Variants in ADGRL3 observed in about 807,000 individuals in gnomAD.
ADGRL3 encodes the protein calcium-independent alpha-latrotoxin receptor 3.
In ADGRL3, 62 loss-of-function variants were observed where a neutral mutation model predicts 153.5. The ratio of observed to expected loss-of-function variants is 0.40; its 90% CI spans 0.33 to 0.50. The LOEUF (loss-of-function observed/expected upper bound fraction) is 0.50, where lower values mean the gene tolerates loss of function less well. Among genes scored for constraint, ADGRL3 ranks in the 20% least tolerant of loss-of-function variants. The pLI, the probability that ADGRL3 is intolerant of heterozygous loss-of-function variation, is 0.47. For synonymous variants in ADGRL3, 710 were observed against 672.5 expected (o/e 1.06, Z -0.86); for missense variants, 1,641 against 1,859.4 (o/e 0.88, Z 2.16).
chr4:61,536,421 G>A lies in ADGRL3; in HGVS notation c.259+18903G>A, dbSNP rs985868737. Among the ~76,000 whole-genome samples, 5 of 152,142 alleles carry A rather than the reference G, an allele frequency of 3.3e-5. No homozygotes were observed. The East Asian group carries it at 9.7e-4, about 29-fold the overall frequency. ...TCATTTGCTCAAGAGTCTAGTTTAA[G>A]TCCTGAGTTTCTTTGTTTTCTGCGT... is the stretch of plus-strand genomic sequence containing the variant. On this transcript the variant is annotated intron_variant, in intron 4 of 26. Transcript: ENST00000683033.
At chr4:61,805,735 G>A (rs1358019195) in intron 8 of ADGRL3, among the ~76,000 whole-genome samples, 2 of 151,874 alleles carry the variant, frequency 1.3e-5, no homozygotes, top group African/African-American at 2.4e-5. Flanking sequence ...GTATTATTTT[G>A]GAAAAATAAA....
chr4:61,647,331 C>G (rs964478598), intron 5 of ADGRL3, among the ~76,000 whole-genome samples: 2 of 152,098 alleles, frequency 1.3e-5, no homozygotes, highest in Admixed American at 6.6e-5. Context: ...TGCCTAAAAA[C>G]TTTGGTTTCA....
intron 1 of ADGRL3, among the ~76,000 whole-genome samples, chr4:61,382,879 G>T (rs1422003427): frequency 6.6e-6 from 1 of 151,712 alleles, no homozygotes; most frequent in Non-Finnish European, 1.5e-5. Context: ...GAAATCTGTA[G>T]CTACCAAATC....
intron 6 of ADGRL3, among the ~76,000 whole-genome samples, chr4:61,696,973 A>G (rs6833221): frequency 0.99 from 151,083 of 152,176 alleles, 75,012 homozygotes; most frequent in Middle Eastern, 1. Context: ...CACTGTGCCC[A>G]GCCATATTCT....
At chr4:61,779,517 C>T (rs556284482) in intron 8 of ADGRL3, among the ~76,000 whole-genome samples, 1 of 150,822 alleles carries the variant, frequency 6.6e-6, no homozygotes, top group African/African-American at 2.4e-5. Flanking sequence ...ACCTGTAATC[C>T]CAGCTACTCA....
chr4:61,788,713 T>G (rs2097305929), intron 8 of ADGRL3, among the ~76,000 whole-genome samples: 1 of 152,130 alleles, frequency 6.6e-6, no homozygotes, highest in Non-Finnish European at 1.5e-5. Context: ...AAAAAGAATT[T>G]AGGAGGCTGA....
In ADGRL3 at chr4:62,044,495, T is replaced by C; in HGVS notation, c.3760T>C (p.Ser1254Pro). Residue 1254 changes from serine to proline, a missense_variant, in exon 25 of 27, where the codon TCA becomes CCA. Ser to Pro is a moderately conservative substitution (Grantham distance 74, BLOSUM62 -1). Transcript: ENST00000683033. The part of the protein sequence containing the change: ...RMWNDTVRKQ[S>P]ESSFITGDIN... The stretch of plus-strand genomic sequence containing the variant: ...GTGGAATGACACGGTTCGAAAGCAG[T>C]CAGAGTCTTCCTTTATTACTGGAGA... 1 of 1,598,788 alleles carries C rather than the reference T, an allele frequency of 6.3e-7. No homozygotes were observed. Among genetic ancestry groups the C allele is most frequent in the African/African-American group, 1.3e-5 (1 of 74,674 alleles).
chr4:61,919,114 C>T (rs1310152216), intron 13 of ADGRL3, among the ~76,000 whole-genome samples: 1 of 152,112 alleles, frequency 6.6e-6, no homozygotes, highest in Non-Finnish European at 1.5e-5. Context: ...TTCTGTGTGG[C>T]CTGTCAGGCT....
intron 2 of ADGRL3, among the ~76,000 whole-genome samples, chr4:61,492,145 T>C (rs570478304): frequency 1.3e-5 from 2 of 152,326 alleles, no homozygotes; most frequent in East Asian, 3.9e-4. Context: ...TGGCATTTTT[T>C]ATATTTCGTA....
At chr4:61,226,091 T>C (rs187182544) in intron 1 of ADGRL3, among the ~76,000 whole-genome samples, 60 of 152,318 alleles carry the variant, frequency 3.9e-4, no homozygotes, top group Admixed American at 2.0e-3. Flanking sequence ...TTGGGTTACC[T>C]GAGTCACTTT....
intron 21 of ADGRL3, among the ~76,000 whole-genome samples, chr4:62,011,629 C>T (rs530790334): frequency 5.9e-5 from 9 of 151,996 alleles, no homozygotes; most frequent in Non-Finnish European, 1.2e-4. Context: ...CCAAAGGCAT[C>T]ATATTTTAGC....
rs375026659 is a variant in ADGRL3 at position 61,630,253 on chromosome 4, T to C, written c.473+42813T>C. Among the ~76,000 whole-genome samples the C allele has an allele frequency of 9.2e-5, 14 of 152,318 alleles. No homozygotes were observed. The East Asian group carries it at 2.7e-3, about 29-fold the overall frequency. On this transcript the variant is annotated intron_variant, in intron 5 of 26. Coordinates refer to ENST00000683033, the MANE Select transcript of ADGRL3 (RefSeq NM_001387552.1). ...ACTTAAACCTTCCTAATTAATATAA[T>C]GTTTCTTGAAAGGTGAAGTAATTTT...
At chr4:61,900,121 C>T (rs976966793) in intron 11 of ADGRL3, among the ~76,000 whole-genome samples, 4 of 152,084 alleles carry the variant, frequency 2.6e-5, no homozygotes, top group Non-Finnish European at 5.9e-5. Flanking sequence ...CCTCTGGATT[C>T]GTTTCCCCAT....
In ADGRL3 at chr4:61,587,457, A is replaced by ATTCTT; in HGVS notation, c.473+24_473+28dup. On this transcript the variant is annotated intron_variant, in intron 5 of 26. Coordinates refer to ENST00000683033, the MANE Select transcript of ADGRL3 (RefSeq NM_001387552.1). ...GTCTCAAAGGTATGATACTTCTAAT[A>ATTCTT]TTCTTTTCTTTGTGCACAATATAAA... is the stretch of plus-strand genomic sequence containing the variant. The ATTCTT allele has an allele frequency of 6.4e-7, 1 of 1,561,202 alleles. No homozygotes were observed. The highest frequency in any genetic ancestry group is 1.1e-5 in the South Asian group (1 of 88,882).
intron 17 of ADGRL3, among the ~76,000 whole-genome samples, chr4:61,969,221 T>G (rs1333615985): frequency 6.6e-6 from 1 of 152,156 alleles, no homozygotes; most frequent in Non-Finnish European, 1.5e-5. Flanking sequence ...AAAATGATAA[T>G]GAATGTTTAT....
chr4:61,321,146 T>G (rs567908220), intron 1 of ADGRL3, among the ~76,000 whole-genome samples: 1 of 152,346 alleles, frequency 6.6e-6, no homozygotes, highest in Admixed American at 6.5e-5. Flanking sequence ...CATTTGCAAC[T>G]TTAATTCCTT....
At chr4:61,858,535 C>T (rs963026743) in intron 9 of ADGRL3, among the ~76,000 whole-genome samples, 16 of 152,252 alleles carry the variant, frequency 1.1e-4, no homozygotes, top group South Asian at 4.1e-4. Flanking sequence ...GCAGGAGAAT[C>T]GCTTGAACCT....
At position 61,676,934 on chromosome 4, in the gene ADGRL3, C is replaced by T; in HGVS notation, c.582C>T (p.Tyr194=). 4.4e-6 allele frequency: 7 copies of T among 1,582,980 alleles called. No individual in the cohort carries two copies. Among genetic ancestry groups the T allele is most frequent in the Non-Finnish European group, 6.1e-6 (7 of 1,152,186 alleles). The stretch of plus-strand genomic sequence containing the variant: ...AAGTGCAGTATGAATGTGTCCCTTA[C>T]AGTATGTATATTCCTATACTTTTCT... The part of the protein sequence containing the change: ...YLEVQYECVP[Y]KVEQKVFLCP... The change falls in exon 6 of 27, where the codon TAC becomes TAT. Residue 194 remains tyrosine (Y), a splice_region_variant and synonymous_variant. Coordinates refer to ENST00000683033, the MANE Select transcript of ADGRL3 (RefSeq NM_001387552.1).
At chr4:61,658,803 T>C (rs1464610695) in intron 5 of ADGRL3, among the ~76,000 whole-genome samples, 1 of 152,142 alleles carries the variant, frequency 6.6e-6, no homozygotes, top group African/African-American at 2.4e-5. Context: ...CAATCAATTC[T>C]GGAGTCTCCT....
Sources: gnomAD v4.1 joint callset for allele counts (sites outside exome capture counted in the v4.1 genomes callset) on GRCh38, gnomAD v4.1.1 for gene constraint, MANE v1.5 for transcripts, NCBI Gene and HGNC (gene_info 2026-07-23, HGNC 2026-07-21) for gene names.